Variants in ZNF573 observed in about 807,000 individuals in gnomAD.
The protein encoded by ZNF573 is zinc finger protein 573.
ZNF573 carries 41 observed loss-of-function variants against 57.4 expected under a neutral mutation model. The observed-to-expected ratio is 0.71, with a 90% confidence interval of 0.56 to 0.93. The LOEUF (loss-of-function observed/expected upper bound fraction) is 0.93, where lower values mean the gene tolerates loss of function less well. Among genes scored for constraint, ZNF573 ranks in the 40% least tolerant of loss-of-function variants. The pLI is 0.00. For missense variants in ZNF573, 730 were observed against 794.8 expected, an observed-to-expected ratio of 0.92 and a Z score of 0.98; for synonymous variants, 249 against 261.0, an observed-to-expected ratio of 0.95 and a Z score of 0.44.
intron 1 of ZNF573, 26 bp from the exon 2 acceptor site, chr19:37,773,777 G>T (rs1182649154): frequency 2.2e-6 from 3 of 1,350,728 alleles, no homozygotes; most frequent in African/African-American, 1.4e-5. Context: ...AGATGTTAGT[G>T]TTCCCAATAT....
At chr19:37,772,142 T>C (rs764789175) in intron 2 of ZNF573, among the ~76,000 whole-genome samples, 3 of 152,204 alleles carry the variant, frequency 2.0e-5, no homozygotes, top group Non-Finnish European at 4.4e-5. Flanking sequence ...GTGCTATTTA[T>C]TTATTTTTTT....
intron 4 of ZNF573, among the ~76,000 whole-genome samples, chr19:37,758,887 C>T (rs888030199): frequency 6.6e-6 from 1 of 152,034 alleles, no homozygotes; most frequent in Non-Finnish European, 1.5e-5. Context: ...GTAAGTCCAA[C>T]TCAAAATAAT....
chr19:37,754,212 G>A (rs1432592266), intron 4 of ZNF573, among the ~76,000 whole-genome samples: 2 of 152,100 alleles, frequency 1.3e-5, no homozygotes, highest in Non-Finnish European at 2.9e-5. Flanking sequence ...GTCATTTAAA[G>A]CTAGCATATC....
In ZNF573 at chr19:37,738,787, T is replaced by C. The variant is rs897126137; in HGVS notation, c.1703A>G (p.His568Arg). 5 of 1,614,140 alleles carry C rather than the reference T, an allele frequency of 3.1e-6. No homozygotes were observed. Among genetic ancestry groups the C allele is most frequent in the Non-Finnish European group, 4.2e-6 (5 of 1,180,034 alleles). ...ECGKTFRRSS[H>R]LTAHQSIHAD... is the part of the protein sequence containing the mutation. ...ATGAATGCTCTGATGTGCAGTAAGGTGTGAACTACGTCTAAAGGTCTTCCC... is the reference window on the plus strand; with the variant it reads ...ATGAATGCTCTGATGTGCAGTAAGGCGTGAACTACGTCTAAAGGTCTTCCC... Residue 568 changes from histidine (H) to arginine (R), a missense_variant, in exon 5 of 5, where the codon CAC becomes CGC. His to Arg is a conservative substitution (Grantham distance 29, BLOSUM62 0). Coordinates refer to ENST00000536220, the MANE Select transcript of ZNF573 (RefSeq NM_001172690.2).
intron 4 of ZNF573, among the ~76,000 whole-genome samples, chr19:37,748,296 T>C (rs961015777): frequency 2.0e-5 from 3 of 152,192 alleles, no homozygotes; most frequent in Non-Finnish European, 4.4e-5. Flanking sequence ...ATGTTAACAA[T>C]GGTGGAAAGT....
At chr19:37,770,700 T>G (rs1221614685) in intron 3 of ZNF573, 4 of 149,198 alleles carry the variant, frequency 2.7e-5, no homozygotes, top group African/African-American at 9.9e-5. Flanking sequence ...GCCCAGGAGG[T>G]TGAGGCTACA....
intron 4 of ZNF573, among the ~76,000 whole-genome samples, chr19:37,752,481 TAAGTGA>T (rs1473670392): frequency 6.6e-6 from 1 of 152,188 alleles, no homozygotes; most frequent in African/African-American, 2.4e-5. Context: ...AACATTATGC[TAAGTGA>T]AAGAAAGTCA....
At chr19:37,762,924 A>G (rs1365291296) in intron 4 of ZNF573, among the ~76,000 whole-genome samples, 1 of 152,004 alleles carries the variant, frequency 6.6e-6, no homozygotes, top group Non-Finnish European at 1.5e-5. Context: ...GGCATGCACC[A>G]CCACACCCGG....
intron 4 of ZNF573, among the ~76,000 whole-genome samples, chr19:37,769,744 A>G (rs1448281139): frequency 2.6e-5 from 4 of 150,996 alleles, no homozygotes; most frequent in Non-Finnish European, 5.9e-5. Flanking sequence ...AAAAAAAAAA[A>G]AAAAAAGAAA....
chr19:37,771,489 G>A, intron 3 of ZNF573, 75 bp downstream of exon 3: 2 of 1,499,148 alleles, frequency 1.3e-6, no homozygotes, highest in Non-Finnish European at 1.8e-6. Context: ...TTGAAATATG[G>A]CCTTGAAATT....
intron 3 of ZNF573, among the ~76,000 whole-genome samples, chr19:37,771,102 C>T (rs1433837290): frequency 6.6e-6 from 1 of 151,106 alleles, no homozygotes; most frequent in Admixed American, 6.6e-5. Context: ...TATTGTTCAT[C>T]TAATCCAGCA....
intron 4 of ZNF573, among the ~76,000 whole-genome samples, chr19:37,741,049 T>G (rs1200102444): frequency 6.6e-6 from 1 of 152,230 alleles, no homozygotes; most frequent in East Asian, 1.9e-4. Flanking sequence ...AACCCATAGA[T>G]ACAAAGGGCC....
intron 4 of ZNF573, among the ~76,000 whole-genome samples, chr19:37,750,019 T>TA (rs1389509876): frequency 1.3e-5 from 2 of 151,896 alleles, no homozygotes; most frequent in African/African-American, 2.4e-5. Flanking sequence ...TAAGAGGGGG[T>TA]AAAAGGGTAC....
rs146732754 is a variant in ZNF573, at chr19:37,767,217, G to A, written c.295+2788C>T. On this transcript the variant is annotated intron_variant, in intron 4 of 4. Transcript: ENST00000536220. ...TTCCCCCTTCGCCAACATAAAAAACGGCATGAGATTCATTCCTTTTTTTTT... is the reference window on the plus strand; with the variant it reads ...TTCCCCCTTCGCCAACATAAAAAACAGCATGAGATTCATTCCTTTTTTTTT... Among the ~76,000 whole-genome samples, 427 of 151,864 alleles carry A rather than the reference G, an allele frequency of 2.8e-3. 3 individuals are homozygous for A. The highest frequency in any genetic ancestry group is 9.7e-3 in the African/African-American group (400 of 41,418).
chr19:37,739,175 T>G lies in ZNF573; in HGVS notation c.1315A>C (p.Met439Leu). ...LKQHQKIHTG[M>L]KHFECKECKK... Reference sequence around the variant, plus strand: ...CACTCCTTACATTCAAAGTGTTTCATGCCAGTATGAATTTTCTGATGTTGT... The same window carrying G: ...CACTCCTTACATTCAAAGTGTTTCAGGCCAGTATGAATTTTCTGATGTTGT... The change falls in exon 5 of 5, where the codon ATG becomes CTG. Residue 439 changes from methionine (M) to leucine (L), a missense_variant. Met to Leu is a conservative substitution (Grantham distance 15). Coordinates refer to ENST00000536220, the MANE Select transcript of ZNF573 (RefSeq NM_001172690.2). 6.2e-7 allele frequency: 1 copy of G among 1,612,882 alleles called. No individual in the cohort carries two copies. Among genetic ancestry groups the G allele is most frequent in the Admixed American group, 1.7e-5 (1 of 59,750 alleles).
At chr19:37,752,607 G>A (rs2145296147) in intron 4 of ZNF573, among the ~76,000 whole-genome samples, 1 of 152,096 alleles carries the variant, frequency 6.6e-6, no homozygotes, top group African/African-American at 2.4e-5. Context: ...GAGAGGATAG[G>A]GAATGACTGG....
intron 2 of ZNF573, chr19:37,773,094 T>C: frequency 1.9e-6 from 1 of 523,578 alleles, no homozygotes; most frequent in Non-Finnish European, 2.5e-6. Flanking sequence ...TGACTCATAA[T>C]AAAAAAATGT....
rs776685864 is a variant in ZNF573, at chr19:37,739,981, T to C, written c.509A>G (p.Asn170Ser). The change falls in exon 5 of 5, where the codon AAC (asparagine) becomes AGC (serine). Residue 170 changes from asparagine (N) to serine (S), a missense_variant. Coordinates refer to ENST00000536220, the MANE Select transcript of ZNF573 (RefSeq NM_001172690.2). ...RPYECKECGK[N>S]FRSGYQLTLH... ...AGTAAGTTGATAGCCACTACGAAAG[T>C]TCTTCCCACACTCTTTGCATTCATA... The C allele has an allele frequency of 3.1e-6, 5 of 1,614,056 alleles. No individual in the cohort carries two copies. The South Asian group carries it at 3.3e-5, about 11-fold the overall frequency.
chr19:37,775,956 T>C (rs1359526287), intron 1 of ZNF573, among the ~76,000 whole-genome samples: 1 of 150,760 alleles, frequency 6.6e-6, no homozygotes, highest in African/African-American at 2.4e-5. Flanking sequence ...CAAGGAAAAC[T>C]ACAAAACACT....
Sources: allele counts gnomAD v4.1 joint callset (sites outside exome capture counted in the v4.1 genomes callset), GRCh38; gene constraint gnomAD v4.1.1; transcripts MANE v1.5; gene names NCBI Gene and HGNC (gene_info 2026-07-23, HGNC 2026-07-21).